Variants in DEFB119 observed in about 807,000 individuals in gnomAD.
DEFB119 encodes beta-defensin 119.
In DEFB119, 3 loss-of-function variants were observed where a neutral mutation model predicts 2.5. The ratio of observed to expected loss-of-function variants is 1.19; its 90% CI spans 0.54 to 3.07. The LOEUF is 3.07. Among genes scored for constraint, DEFB119 ranks in the 30% most tolerant of loss-of-function variants. The probability of loss-of-function intolerance (pLI) is 0.03; values close to 1 mark genes in which losing one functional copy is unlikely to be tolerated. For missense variants in DEFB119, 113 were observed against 101.1 expected, an observed-to-expected ratio of 1.12 and a Z score of -0.50; for synonymous variants, 29 against 33.7, an observed-to-expected ratio of 0.86 and a Z score of 0.48.
rs142077212 is a variant in DEFB119 at position 31,389,213 on chromosome 20, C to T, written c.61+1210G>A. ...TCTTTGCACAACAACCGGCAGTGTC[C>T]ATCCATCCAACACTCTACTTTGGGG... On this transcript the variant is annotated intron_variant, in intron 1 of 1. Transcript: ENST00000376321. 6.1e-4 allele frequency: 986 copies of T among 1,614,000 alleles called. 6 individuals are homozygous for T. The highest frequency in any genetic ancestry group is 1.2e-3 in the Middle Eastern group (7 of 6,082).
At chr20:31,390,364 A>G in intron 1 of DEFB119, 59 bp downstream of exon 1, 1 of 1,501,118 alleles carries the variant, frequency 6.7e-7, no homozygotes, top group Non-Finnish European at 9.3e-7. Flanking sequence ...GTGAGAGGGA[A>G]GGGAAAGACG....
chr20:31,390,390 G>A (rs1405123218), intron 1 of DEFB119, 33 bp downstream of exon 1: 1 of 1,601,466 alleles, frequency 6.2e-7, no homozygotes, highest in South Asian at 1.1e-5. Context: ...CCCATGACCA[G>A]GAACCCAGAC....
intron 1 of DEFB119, among the ~76,000 whole-genome samples, chr20:31,386,635 T>C (rs778894252): frequency 2.6e-5 from 4 of 151,762 alleles, no homozygotes; most frequent in Non-Finnish European, 5.9e-5. Context: ...GAGAGTAAAA[T>C]AGAGTTTATC....
At chr20:31,389,102 G>A in intron 1 of DEFB119, 1 of 1,614,178 alleles carries the variant, frequency 6.2e-7, no homozygotes, top group South Asian at 1.1e-5. Context: ...AGGATTCCAT[G>A]AATTGTTACT....
At chr20:31,385,174 C>G (rs1219332474) in intron 1 of DEFB119, among the ~76,000 whole-genome samples, 1 of 152,126 alleles carries the variant, frequency 6.6e-6, no homozygotes, top group African/African-American at 2.4e-5. Context: ...GGAATGATAT[C>G]ACCTCAAGCC....
At chr20:31,389,188 T>A in intron 1 of DEFB119, 1 of 1,614,166 alleles carries the variant, frequency 6.2e-7, no homozygotes, top group Non-Finnish European at 8.5e-7. Context: ...GTCTTCACCA[T>A]CTTTGCACAA....
rs1038974484 is a variant in DEFB119 at position 31,380,441 on chromosome 20, AT to A, written c.62-3003del. Among the ~76,000 whole-genome samples, 37 of 151,974 alleles carry A rather than the reference AT, an allele frequency of 2.4e-4. 1 individual carries two copies. The highest frequency in any genetic ancestry group is 8.9e-4 in the African/African-American group (37 of 41,436). On this transcript the variant is annotated intron_variant, in intron 1 of 1. Transcript: ENST00000376321. ...TCACCACACTCAGCTAATTTATTTT[AT>A]TTTTGTAGAGATGGGATCTTGCTAT... is the stretch of plus-strand genomic sequence containing the variant.
intron 1 of DEFB119, among the ~76,000 whole-genome samples, chr20:31,385,722 T>C (rs538882387): frequency 6.6e-6 from 1 of 152,024 alleles, no homozygotes; most frequent in African/African-American, 2.4e-5. Context: ...ATAGAAAAAT[T>C]AGCCAGGCAT....
intron 1 of DEFB119, chr20:31,389,219 T>C (rs1986832288): frequency 6.2e-7 from 1 of 1,614,086 alleles, no homozygotes; most frequent in East Asian, 2.2e-5. Flanking sequence ...TGTCCATCCA[T>C]CCAACACTCT....
At chr20:31,382,693 C>G (rs1986543954) in intron 1 of DEFB119, among the ~76,000 whole-genome samples, 1 of 152,192 alleles carries the variant, frequency 6.6e-6, no homozygotes, top group South Asian at 2.1e-4. Flanking sequence ...TGTGCCCCCA[C>G]CAGATCCACT....
upstream of DEFB119, chr20:31,390,641 C>T (rs957629346): frequency 8.0e-6 from 5 of 624,466 alleles, no homozygotes; most frequent in Non-Finnish European, 1.4e-5. Flanking sequence ...GGCCAAAGGA[C>T]AGTGTGTAGC....
At position 31,378,373 on chromosome 20, in the gene DEFB119, C is replaced by A. The variant is rs200218666; in HGVS notation, c.62-934G>T. ...CCACCTGGCAGTATCCAGGCAGCAT[C>A]CCACTGTCCTCACCAGAGCTGTATC... On this transcript the variant is annotated intron_variant, in intron 1 of 1. Transcript: ENST00000376321. 1.4e-5 allele frequency: 22 copies of A among 1,614,200 alleles called. No individual in the cohort carries two copies. In the East Asian group the frequency reaches 4.7e-4, roughly 34 times the overall value.
intron 1 of DEFB119, among the ~76,000 whole-genome samples, chr20:31,385,186 C>T (rs953613644): frequency 3.3e-4 from 50 of 152,148 alleles, no homozygotes; most frequent in African/African-American, 1.1e-3. Context: ...CCTCAAGCCT[C>T]ACTGTTTTCT....
chr20:31,378,557 G>A (rs1015211180), intron 1 of DEFB119, among the ~76,000 whole-genome samples: 8 of 152,134 alleles, frequency 5.3e-5, no homozygotes, highest in Non-Finnish European at 1.2e-4. Context: ...AGAACTGAGA[G>A]CAACCCAAGT....
At chr20:31,383,531 C>CT (rs139632679) in intron 1 of DEFB119, among the ~76,000 whole-genome samples, 36 of 103,440 alleles carry the variant, frequency 3.5e-4, no homozygotes, top group Non-Finnish European at 5.8e-4. Flanking sequence ...AAGACTCTGT[C>CT]TTAAAAAAAA....
At chr20:31,382,694 C>T (rs1447056311) in intron 1 of DEFB119, among the ~76,000 whole-genome samples, 1 of 152,180 alleles carries the variant, frequency 6.6e-6, no homozygotes, top group African/African-American at 2.4e-5. Flanking sequence ...GTGCCCCCAC[C>T]AGATCCACTC....
intron 1 of DEFB119, among the ~76,000 whole-genome samples, chr20:31,381,221 G>T (rs1986495550): frequency 6.6e-6 from 1 of 152,164 alleles, no homozygotes. Context: ...CATGTTCATT[G>T]CTATTATATA....
chr20:31,390,644 T>C, upstream of DEFB119: 1 of 626,360 alleles, frequency 1.6e-6, no homozygotes, highest in East Asian at 2.9e-5. Flanking sequence ...CAAAGGACAG[T>C]GTGTAGCAGA....
chr20:31,389,610 A>G (rs1986849607), intron 1 of DEFB119, among the ~76,000 whole-genome samples: 1 of 152,120 alleles, frequency 6.6e-6, no homozygotes, highest in African/African-American at 2.4e-5. Flanking sequence ...GGATTCACTC[A>G]CATTACACAG....
Sources: gnomAD v4.1 joint callset for allele counts (sites outside exome capture counted in the v4.1 genomes callset) on GRCh38, gnomAD v4.1.1 for gene constraint, MANE v1.5 for transcripts, NCBI Gene and HGNC (gene_info 2026-07-23, HGNC 2026-07-21) for gene names.